Variants in RBM47 observed in about 807,000 individuals in gnomAD.
RBM47 encodes the protein RNA-binding protein 47.
In RBM47, 21 loss-of-function variants were observed where a neutral mutation model predicts 47.1. The ratio of observed to expected loss-of-function variants is 0.45; its 90% CI spans 0.32 to 0.64. The LOEUF (loss-of-function observed/expected upper bound fraction) is 0.64. RBM47 is among the 30% of genes least tolerant of loss of function. The probability of loss-of-function intolerance (pLI) is 0.05; values close to 1 mark genes in which losing one functional copy is unlikely to be tolerated. For missense variants in RBM47, 708 were observed against 870.9 expected, an observed-to-expected ratio of 0.81 and a Z score of 2.35; for synonymous variants, 375 against 361.7, an observed-to-expected ratio of 1.04 and a Z score of -0.42.
chr4:40,445,050 G>A (rs1714305431), intron 3 of RBM47, among the ~76,000 whole-genome samples: 1 of 151,820 alleles, frequency 6.6e-6, no homozygotes, highest in African/African-American at 2.4e-5. Flanking sequence ...CGAGGAGGGC[G>A]GATCACAAGG....
At chr4:40,594,212 A>C (rs2154275921) in intron 1 of RBM47, among the ~76,000 whole-genome samples, 1 of 152,296 alleles carries the variant, frequency 6.6e-6, no homozygotes, top group African/African-American at 2.4e-5. Context: ...CAGAAAGCAT[A>C]TTCTGCTATG....
At chr4:40,559,397 T>C (rs2154266132) in intron 1 of RBM47, among the ~76,000 whole-genome samples, 1 of 152,292 alleles carries the variant, frequency 6.6e-6, no homozygotes, top group African/African-American at 2.4e-5. Context: ...TCAAGTGACA[T>C]GGGTATGCAA....
intron 1 of RBM47, among the ~76,000 whole-genome samples, chr4:40,572,088 A>G (rs1466463870): frequency 9.3e-5 from 9 of 96,826 alleles, no homozygotes; most frequent in African/African-American, 1.5e-4. Flanking sequence ...AAACTACTGG[A>G]AAAAAAAAAA....
chr4:40,456,867 G>A (rs1716349509), intron 3 of RBM47, among the ~76,000 whole-genome samples: 1 of 151,888 alleles, frequency 6.6e-6, no homozygotes, highest in South Asian at 2.1e-4. Flanking sequence ...CCAAAGTGCT[G>A]GGATTAAAGG....
In RBM47 at chr4:40,432,762, G is replaced by C; in HGVS notation, c.1431C>G (p.Ile477Met). Reference sequence around the variant, plus strand: ...GGTCTGGCTGCACAGCAATGGGGCTGATCATGTGCTCCACTGTGTGGATTT... The same window carrying C: ...GGTCTGGCTGCACAGCAATGGGGCTCATCATGTGCTCCACTGTGTGGATTT... ...DGKIHTVEHMISPIAVQPDPA... is the reference protein window; with the variant it reads ...DGKIHTVEHMMSPIAVQPDPA... Residue 477 changes from isoleucine to methionine, a missense_variant, in exon 6 of 7, where the codon ATC becomes ATG. Ile to Met is a conservative substitution (Grantham distance 10). Transcript: ENST00000295971. The C allele has an allele frequency of 1.9e-6, 3 of 1,613,370 alleles. No homozygotes were observed. Among genetic ancestry groups the C allele is most frequent in the Non-Finnish European group, 2.5e-6 (3 of 1,179,832 alleles).
intron 3 of RBM47, among the ~76,000 whole-genome samples, chr4:40,451,217 T>G (rs1312915291): frequency 4.1e-5 from 6 of 147,378 alleles, no homozygotes; most frequent in Admixed American, 4.0e-4. Flanking sequence ...GTCAAGGCTA[T>G]CAAGACTGAG....
chr4:40,601,436 T>A (rs1244204547), intron 1 of RBM47, among the ~76,000 whole-genome samples: 1 of 152,100 alleles, frequency 6.6e-6, no homozygotes, highest in Admixed American at 6.6e-5. Context: ...ACATGCTGGA[T>A]CATTCCATGA....
chr4:40,433,821 A>C (rs62302024), intron 5 of RBM47, among the ~76,000 whole-genome samples: 25,843 of 152,170 alleles, frequency 0.17, 2,220 homozygotes, highest in Middle Eastern at 0.2. Flanking sequence ...AGTAGTGAAG[A>C]TGTGGAGTGA....
At chr4:40,598,814 T>C (rs1467402166) in intron 1 of RBM47, among the ~76,000 whole-genome samples, 2 of 142,492 alleles carry the variant, frequency 1.4e-5, no homozygotes, top group Non-Finnish European at 3.0e-5. Flanking sequence ...AAGCCATAAA[T>C]GAATTATCAG....
intron 2 of RBM47, among the ~76,000 whole-genome samples, chr4:40,512,648 G>A (rs951816234): frequency 4.7e-5 from 7 of 148,678 alleles, no homozygotes; most frequent in South Asian, 4.3e-4. Context: ...CCCGGAGGCA[G>A]AGGTTGCAGT....
chr4:40,488,029 A>G (rs1721350099), intron 2 of RBM47, among the ~76,000 whole-genome samples: 1 of 121,952 alleles, frequency 8.2e-6, no homozygotes, highest in Non-Finnish European at 2.0e-5. Flanking sequence ...AAAGAAAGAA[A>G]GAGAGAGAGA....
intron 2 of RBM47, among the ~76,000 whole-genome samples, chr4:40,493,350 G>A (rs1291427907): frequency 6.6e-6 from 1 of 152,150 alleles, no homozygotes; most frequent in East Asian, 1.9e-4. Context: ...TCATGGTTGA[G>A]GAGGAGGAAG....
intron 3 of RBM47, among the ~76,000 whole-genome samples, chr4:40,449,598 C>T (rs1715088019): frequency 6.6e-6 from 1 of 152,198 alleles, no homozygotes; most frequent in Admixed American, 6.5e-5. Context: ...CGGCTGAAGC[C>T]ACCCTCCCGA....
chr4:40,577,137 A>T (rs1732414002), intron 1 of RBM47, among the ~76,000 whole-genome samples: 1 of 152,220 alleles, frequency 6.6e-6, no homozygotes, highest in Non-Finnish European at 1.5e-5. Context: ...TGAGTGAGTC[A>T]ATCATGAACA....
chr4:40,621,672 TAAAC>T (rs1160279079), intron 1 of RBM47, among the ~76,000 whole-genome samples: 7 of 152,300 alleles, frequency 4.6e-5, no homozygotes, highest in Admixed American at 4.6e-4. Context: ...GAAAAGGTGA[TAAAC>T]AATATAGTAA....
At chr4:40,466,265 C>CA (rs55805915) in intron 3 of RBM47, among the ~76,000 whole-genome samples, 2,093 of 91,406 alleles carry the variant, frequency 0.023, 36 homozygotes, top group East Asian at 0.081. Flanking sequence ...GAGACTGTCT[C>CA]AAAAAAAAAA....
intron 2 of RBM47, among the ~76,000 whole-genome samples, chr4:40,481,978 G>A (rs1024635685): frequency 1.1e-4 from 16 of 152,122 alleles, no homozygotes; most frequent in African/African-American, 3.4e-4. Flanking sequence ...GTGCCACTGC[G>A]CCCGGCCATG....
chr4:40,531,056 G>C (rs60799464), intron 2 of RBM47, among the ~76,000 whole-genome samples: 2 of 152,014 alleles, frequency 1.3e-5, no homozygotes, highest in African/African-American at 4.8e-5. Flanking sequence ...CCATGATCGC[G>C]GCAGTGCGCT....
chr4:40,609,029 T>G (rs1281264805), intron 1 of RBM47, among the ~76,000 whole-genome samples: 1 of 152,154 alleles, frequency 6.6e-6, no homozygotes, highest in African/African-American at 2.4e-5. Context: ...GTTTCACTCT[T>G]GTCGCCCAGG....
Sources: allele counts gnomAD v4.1 joint callset (sites outside exome capture counted in the v4.1 genomes callset), GRCh38; gene constraint gnomAD v4.1.1; transcripts MANE v1.5; gene names NCBI Gene and HGNC (gene_info 2026-07-23, HGNC 2026-07-21).